Variants in STXBP4 observed in about 807,000 individuals in gnomAD.
STXBP4 encodes syntaxin binding protein 4.
A neutral mutation model predicts 76.1 loss-of-function variants in STXBP4; 55 were observed. The observed-to-expected ratio is 0.72, with a 90% confidence interval of 0.58 to 0.91. The LOEUF is 0.91. Among genes scored for constraint, STXBP4 ranks in the 40% least tolerant of loss-of-function variants. The pLI, the probability that STXBP4 is intolerant of heterozygous loss-of-function variation, is 0.00. For synonymous variants in STXBP4, 201 were observed against 220.2 expected, an observed-to-expected ratio of 0.91 and a Z score of 0.77; for missense variants, 618 against 636.9, an observed-to-expected ratio of 0.97 and a Z score of 0.32.
chr17:55,101,795 C>G (rs2079569451), intron 16 of STXBP4, among the ~76,000 whole-genome samples: 1 of 152,036 alleles, frequency 6.6e-6, no homozygotes, highest in Admixed American at 6.6e-5. Flanking sequence ...CTGATTACTT[C>G]ATAGTTCTCT....
chr17:54,976,665 C>T (rs2077478585), intron 1 of STXBP4, among the ~76,000 whole-genome samples: 2 of 152,136 alleles, frequency 1.3e-5, no homozygotes, highest in Non-Finnish European at 2.9e-5. Context: ...CTGAGCTCTA[C>T]CTCCTGTCAG....
chr17:55,151,496 T>A (rs1314326047), intron 17 of STXBP4, among the ~76,000 whole-genome samples: 1 of 152,110 alleles, frequency 6.6e-6, no homozygotes, highest in Non-Finnish European at 1.5e-5. Flanking sequence ...GGGCCAGAGG[T>A]CTTCTTTGAT....
chr17:55,045,251 C>T (rs1260647411), intron 11 of STXBP4, among the ~76,000 whole-genome samples: 2 of 151,940 alleles, frequency 1.3e-5, no homozygotes, highest in Admixed American at 6.6e-5. Context: ...CCTTTGAAAC[C>T]GCTATCTTTC....
chr17:55,091,824 G>A (rs917994401), intron 16 of STXBP4, among the ~76,000 whole-genome samples: 15 of 152,100 alleles, frequency 9.9e-5, no homozygotes, highest in East Asian at 1.9e-4. Flanking sequence ...TCACAAATTT[G>A]GTTCACGCAC....
intron 1 of STXBP4, among the ~76,000 whole-genome samples, chr17:54,981,796 A>C (rs1046531808): frequency 6.6e-6 from 1 of 152,176 alleles, no homozygotes. Flanking sequence ...TAGAGAGATA[A>C]TTTCTGTAAT....
the STXBP4 span, among the ~76,000 whole-genome samples, chr17:55,206,857 GAAAAA>G: frequency 1.3e-4 from 13 of 103,142 alleles, no homozygotes; most frequent in Admixed American, 5.9e-4. Flanking sequence ...CTCCGTCTCA[GAAAAA>G]AAAAAAAAAA....
In STXBP4 at chr17:55,032,921, A is replaced by G. The variant is rs190613142; in HGVS notation, c.764-1247A>G. ...GCAAGTTACACACACAAAATTTCCAACCAACTTTTTTAGTGCCCGATTCTT... is the reference window on the plus strand; with the variant it reads ...GCAAGTTACACACACAAAATTTCCAGCCAACTTTTTTAGTGCCCGATTCTT... On this transcript the variant is annotated intron_variant, in intron 9 of 17. Coordinates refer to ENST00000376352, the MANE Select transcript of STXBP4 (RefSeq NM_178509.6). Among the ~76,000 whole-genome samples, 4 of 152,296 alleles carry G rather than the reference A, an allele frequency of 2.6e-5. No homozygotes were observed. The East Asian group carries it at 7.7e-4, about 29-fold the overall frequency.
chr17:55,131,517 C>T (rs2145123397), intron 16 of STXBP4, among the ~76,000 whole-genome samples: 1 of 152,330 alleles, frequency 6.6e-6, no homozygotes, highest in African/African-American at 2.4e-5. Context: ...CTATTGCTCT[C>T]AGGCAACCTG....
At chr17:55,040,235 T>C (rs2078675134) in intron 10 of STXBP4, among the ~76,000 whole-genome samples, 1 of 152,156 alleles carries the variant, frequency 6.6e-6, no homozygotes, top group Non-Finnish European at 1.5e-5. Flanking sequence ...CTTTGTCAAG[T>C]AGCAGTTTTA....
intron 5 of STXBP4, 48 bp from the exon 6 acceptor site, chr17:54,999,584 G>A (rs769625411): frequency 7.8e-6 from 12 of 1,537,642 alleles, no homozygotes; most frequent in East Asian, 4.5e-5. Context: ...GATTTCAGTT[G>A]TACTATATTC....
intron 16 of STXBP4, among the ~76,000 whole-genome samples, chr17:55,083,361 A>G (rs2079281504): frequency 6.6e-6 from 1 of 152,174 alleles, no homozygotes. Context: ...TTATTAAATA[A>G]TATAATTTAT....
chr17:54,971,507 C>T (rs2077400749), intron 1 of STXBP4, among the ~76,000 whole-genome samples: 1 of 152,210 alleles, frequency 6.6e-6, no homozygotes, highest in Non-Finnish European at 1.5e-5. Flanking sequence ...ATCAGGTTCC[C>T]ACCCTTATGA....
intron 10 of STXBP4, among the ~76,000 whole-genome samples, chr17:55,034,963 C>A (rs1396022249): frequency 1.3e-5 from 2 of 151,376 alleles, no homozygotes; most frequent in African/African-American, 4.9e-5. Context: ...CTCTTAAGGA[C>A]CTCCTTCTTA....
intron 10 of STXBP4, among the ~76,000 whole-genome samples, chr17:55,040,375 G>C (rs1286588180): frequency 6.6e-6 from 1 of 152,082 alleles, no homozygotes; most frequent in East Asian, 1.9e-4. Context: ...GAAATTTTTA[G>C]GTGAATAGGA....
the STXBP4 span, among the ~76,000 whole-genome samples, chr17:55,211,722 C>G: frequency 6.6e-6 from 1 of 151,706 alleles, no homozygotes; most frequent in East Asian, 1.9e-4. Context: ...ACAAGCTTCC[C>G]CACTGATTTA....
chr17:55,001,079 G>A (rs543930940), intron 7 of STXBP4, among the ~76,000 whole-genome samples, 196 bp downstream of exon 7: 1 of 152,136 alleles, frequency 6.6e-6, no homozygotes, highest in Non-Finnish European at 1.5e-5. Flanking sequence ...CCTGAACAAA[G>A]AGTTGAAGTT....
At chr17:55,110,147 C>G (rs1463470850) in intron 16 of STXBP4, among the ~76,000 whole-genome samples, 3 of 152,138 alleles carry the variant, frequency 2.0e-5, no homozygotes. Context: ...TAAAAGCTAG[C>G]AGTGGTCAGT....
At chr17:55,018,547 GT>G (rs1304384551) in intron 8 of STXBP4, among the ~76,000 whole-genome samples, 1 of 152,230 alleles carries the variant, frequency 6.6e-6, no homozygotes, top group Non-Finnish European at 1.5e-5. Flanking sequence ...ATGCATCCGT[GT>G]GAAGAGACCA....
intron 3 of STXBP4, among the ~76,000 whole-genome samples, chr17:54,990,549 A>G (rs998401976): frequency 6.6e-6 from 1 of 152,144 alleles, no homozygotes; most frequent in Admixed American, 6.6e-5. Flanking sequence ...ATTATTGTGA[A>G]TTGTATAATT....
Sources: gnomAD v4.1 joint callset for allele counts (sites outside exome capture counted in the v4.1 genomes callset) on GRCh38, gnomAD v4.1.1 for gene constraint, MANE v1.5 for transcripts, NCBI Gene and HGNC (gene_info 2026-07-23, HGNC 2026-07-21) for gene names.